The following NKAIN3 variants were observed in gnomAD, a reference collection of about 807,000 sequenced individuals.
NKAIN3 encodes sodium/potassium-transporting ATPase subunit beta-1-interacting protein 3.
A neutral mutation model predicts 30.2 loss-of-function variants in NKAIN3; 25 were observed. That is an observed-to-expected ratio of 0.83 (90% CI 0.60 to 1.16). NKAIN3 has a LOEUF of 1.16. Ranked by LOEUF, NKAIN3 falls within the 50% of genes most tolerant of loss-of-function variation. NKAIN3 has a pLI of 0.00. For missense variants in NKAIN3, 225 were observed against 254.1 expected (o/e 0.89, Z 0.78); for synonymous variants, 91 against 89.6 (o/e 1.02, Z -0.09).
chr8:62,492,178 C>T (rs73267331), intron 1 of NKAIN3, among the ~76,000 whole-genome samples: 3,322 of 152,006 alleles, frequency 0.022, 121 homozygotes, highest in African/African-American at 0.075. Context: ...AAGAAAGAGC[C>T]GGGTCAGGGA....
chr8:62,312,025 T>C (rs1398932186), intron 1 of NKAIN3, among the ~76,000 whole-genome samples: 1 of 150,120 alleles, frequency 6.7e-6, no homozygotes, highest in African/African-American at 2.5e-5. Flanking sequence ...TAATTACAGG[T>C]AAATTGTTTC....
chr8:62,450,565 A>G (rs1272570262), intron 1 of NKAIN3, among the ~76,000 whole-genome samples: 1 of 152,190 alleles, frequency 6.6e-6, no homozygotes, highest in East Asian at 1.9e-4. Flanking sequence ...AAAACTGCTC[A>G]GTGAGGGAGT....
chr8:62,412,993 CAG>C (rs1804309016), intron 1 of NKAIN3, among the ~76,000 whole-genome samples: 2 of 148,114 alleles, frequency 1.4e-5, no homozygotes, highest in African/African-American at 5.0e-5. Context: ...AGAACATGAA[CAG>C]AAACTTCTCT....
At chr8:62,420,759 T>A (rs1160921539) in intron 1 of NKAIN3, among the ~76,000 whole-genome samples, 1 of 152,114 alleles carries the variant, frequency 6.6e-6, no homozygotes, top group Non-Finnish European at 1.5e-5. Flanking sequence ...AAAAATAGAA[T>A]GAAAATAAGA....
Position 62,347,386 on chromosome 8 carries a change from G to GA in NKAIN3, c.54+98264dup, listed in dbSNP as rs556849860. Among the ~76,000 whole-genome samples the GA allele has an allele frequency of 3.3e-5, 5 of 152,118 alleles. No individual in the cohort carries two copies. The South Asian group carries it at 1.0e-3, about 32-fold the overall frequency. ...TCCAGATATGAGTCTTGCCTTTAAA[G>GA]AAAAAGATATCAGAATATCTTAAAA... is the stretch of plus-strand genomic sequence containing the variant. On this transcript the variant is annotated intron_variant, in intron 1 of 6. Coordinates refer to ENST00000623646, the MANE Select transcript of NKAIN3 (RefSeq NM_001304533.3).
chr8:62,989,172 C>T (rs1824265827), downstream of NKAIN3, among the ~76,000 whole-genome samples: 1 of 152,204 alleles, frequency 6.6e-6, no homozygotes, highest in Admixed American at 6.5e-5. Flanking sequence ...ATCTTCCTTT[C>T]TTCTTCTGAG....
intron 1 of NKAIN3, among the ~76,000 whole-genome samples, chr8:62,558,169 T>C (rs1466160622): frequency 6.6e-6 from 1 of 152,160 alleles, no homozygotes; most frequent in Admixed American, 6.6e-5. Context: ...TAGGGTGTCC[T>C]TTCCCCACTT....
chr8:62,933,893 A>C (rs1822699412), intron 5 of NKAIN3, among the ~76,000 whole-genome samples: 1 of 152,244 alleles, frequency 6.6e-6, no homozygotes, highest in Non-Finnish European at 1.5e-5. Context: ...GAAACTGAAC[A>C]GACAGTAATT....
chr8:62,599,342 G>A (rs1402499940), intron 3 of NKAIN3, among the ~76,000 whole-genome samples: 1 of 151,964 alleles, frequency 6.6e-6, no homozygotes, highest in African/African-American at 2.4e-5. Flanking sequence ...ATGACTGTGG[G>A]TAGGTAACTA....
At chr8:62,769,776 A>G (rs915319219) in intron 4 of NKAIN3, among the ~76,000 whole-genome samples, 2 of 152,190 alleles carry the variant, frequency 1.3e-5, no homozygotes, top group African/African-American at 4.8e-5. Flanking sequence ...CCATTCCTGG[A>G]CAATTAAAAG....
intron 4 of NKAIN3, among the ~76,000 whole-genome samples, chr8:62,899,940 G>A (rs1452042448): frequency 1.3e-5 from 2 of 151,332 alleles, no homozygotes; most frequent in East Asian, 3.9e-4. Context: ...ACACTACTCA[G>A]GTGACAGGTA....
intron 3 of NKAIN3, among the ~76,000 whole-genome samples, chr8:62,653,232 G>T (rs1812675714): frequency 6.6e-6 from 1 of 152,184 alleles, no homozygotes; most frequent in African/African-American, 2.4e-5. Context: ...ATTCTGGTGA[G>T]GCCCCTCTTC....
At chr8:62,883,457 G>GTTGTTGTTTTTTTT in intron 4 of NKAIN3, among the ~76,000 whole-genome samples, 1,095 of 70,136 alleles carry the variant, frequency 0.016, 187 homozygotes, top group East Asian at 0.14. Flanking sequence ...AGTTTTATGG[G>GTTGTTGTTTTTTTT]TTTTTTTTTT....
chr8:62,297,801 T>G (rs1328985308), intron 1 of NKAIN3, among the ~76,000 whole-genome samples: 92 of 152,250 alleles, frequency 6.0e-4, no homozygotes, highest in African/African-American at 2.1e-3. Context: ...AATACCATTT[T>G]GCCCAGCCAT....
rs560662251 is a variant in NKAIN3 at position 62,544,629 on chromosome 8, C to A, written c.55-34910C>A. Among the ~76,000 whole-genome samples, 6 of 150,876 alleles carry A rather than the reference C, an allele frequency of 4.0e-5. No homozygotes were observed. In the South Asian group the frequency reaches 1.2e-3, roughly 31 times the overall value. ...TAGATTCCCCTTTCAGCCCTATTATCCCCTAAAGTTCTTCAAAGTATAGCC... is the reference window on the plus strand; with the variant it reads ...TAGATTCCCCTTTCAGCCCTATTATACCCTAAAGTTCTTCAAAGTATAGCC... On this transcript the variant is annotated intron_variant, in intron 1 of 6. Transcript: ENST00000623646.
intron 4 of NKAIN3, among the ~76,000 whole-genome samples, chr8:62,879,062 T>C (rs1820890329): frequency 6.6e-6 from 1 of 152,220 alleles, no homozygotes; most frequent in Admixed American, 6.5e-5. Context: ...GTATTTCTAG[T>C]TCTAGATCCC....
At chr8:62,304,642 A>G (rs570727375) in intron 1 of NKAIN3, among the ~76,000 whole-genome samples, 7 of 150,556 alleles carry the variant, frequency 4.6e-5, no homozygotes, top group Non-Finnish European at 8.8e-5. Flanking sequence ...ATGAAGTACT[A>G]GTCTCAACCT....
At chr8:62,393,176 G>A (rs556953165) in intron 1 of NKAIN3, among the ~76,000 whole-genome samples, 1 of 152,098 alleles carries the variant, frequency 6.6e-6, no homozygotes, top group South Asian at 2.1e-4. Context: ...TCTATGGTTG[G>A]TATTGAGGAA....
intron 5 of NKAIN3, among the ~76,000 whole-genome samples, chr8:62,930,348 G>A (rs531815627): frequency 1.6e-4 from 25 of 152,054 alleles, no homozygotes; most frequent in Non-Finnish European, 2.1e-4. Flanking sequence ...CCGCCTCTCC[G>A]GTTCAAACAA....
Sources: allele counts gnomAD v4.1 joint callset (sites outside exome capture counted in the v4.1 genomes callset), GRCh38; gene constraint gnomAD v4.1.1; transcripts MANE v1.5; gene names NCBI Gene and HGNC (gene_info 2026-07-23, HGNC 2026-07-21).